NT5DC1: variants seen among roughly 807,000 people sequenced by gnomAD.
NT5DC1 encodes 5'-nucleotidase domain containing 1, also known as 5'-nucleotidase domain-containing protein 1.
NT5DC1 carries 42 observed loss-of-function variants against 59.4 expected under a neutral mutation model. The ratio of observed to expected loss-of-function variants is 0.71; its 90% confidence interval spans 0.55 to 0.92. NT5DC1 has a LOEUF of 0.92. NT5DC1 is among the 40% of genes least tolerant of loss of function. NT5DC1 has a pLI of 0.00. For synonymous variants in NT5DC1, 172 were observed against 188.1 expected (o/e 0.91, Z 0.70); for missense variants, 501 against 537.1 (o/e 0.93, Z 0.66).
chr6:116,188,435 G>C (rs1781047242), intron 6 of NT5DC1, among the ~76,000 whole-genome samples: 1 of 151,976 alleles, frequency 6.6e-6, no homozygotes, highest in South Asian at 2.1e-4. Flanking sequence ...TATGCAGTGT[G>C]TCATACAGTG....
At chr6:116,117,648 C>G (rs535415050) in intron 5 of NT5DC1, among the ~76,000 whole-genome samples, 2 of 152,076 alleles carry the variant, frequency 1.3e-5, no homozygotes, top group Non-Finnish European at 2.9e-5. Context: ...TTATTGAATA[C>G]TGTACTGAAA....
intron 8 of NT5DC1, among the ~76,000 whole-genome samples, chr6:116,223,546 T>C (rs1781851557): frequency 6.6e-6 from 1 of 152,194 alleles, no homozygotes; most frequent in Non-Finnish European, 1.5e-5. Context: ...TTGTCATTCA[T>C]GTAGAAGAGA....
chr6:116,160,010 C>A (rs372650991), intron 6 of NT5DC1, among the ~76,000 whole-genome samples: 1 of 152,148 alleles, frequency 6.6e-6, no homozygotes, highest in East Asian at 1.9e-4. Flanking sequence ...TTATTCCAGT[C>A]AACTTTTGAT....
At chr6:116,197,678 T>C (rs1781263789) in intron 6 of NT5DC1, among the ~76,000 whole-genome samples, 2 of 152,084 alleles carry the variant, frequency 1.3e-5, no homozygotes, top group African/African-American at 4.8e-5. Flanking sequence ...ATTGACACAA[T>C]TACTTTTAAG....
At chr6:116,236,615 A>G (rs1418429531) in intron 8 of NT5DC1, among the ~76,000 whole-genome samples, 1 of 152,142 alleles carries the variant, frequency 6.6e-6, no homozygotes, top group Non-Finnish European at 1.5e-5. Flanking sequence ...AATGACTTTC[A>G]TTGTGTTATT....
At chr6:116,196,772 A>G (rs73774225) in intron 6 of NT5DC1, among the ~76,000 whole-genome samples, 5,986 of 151,704 alleles carry the variant, frequency 0.039, 178 homozygotes, top group African/African-American at 0.079. Flanking sequence ...CACTCTCTCC[A>G]CCTTTTCCTC....
chr6:116,239,313 AT>A (rs57676300), intron 11 of NT5DC1, among the ~76,000 whole-genome samples, 190 bp downstream of exon 11: 15 of 150,886 alleles, frequency 9.9e-5, no homozygotes, highest in Non-Finnish European at 1.6e-4. Flanking sequence ...AAGCTCAACA[AT>A]TTTTTTTTTA....
chr6:116,160,932 G>GA (rs920252924), intron 6 of NT5DC1, among the ~76,000 whole-genome samples: 3 of 151,914 alleles, frequency 2.0e-5, no homozygotes, highest in Non-Finnish European at 4.4e-5. Context: ...CAAAGACTTG[G>GA]AACCAACCCA....
chr6:116,168,383 A>G (rs1406781630), intron 6 of NT5DC1, among the ~76,000 whole-genome samples: 2 of 151,850 alleles, frequency 1.3e-5, no homozygotes, highest in South Asian at 2.1e-4. Context: ...TTATAAACCT[A>G]TCCATTGAGC....
chr6:116,114,767 A>G (rs1304494109), intron 4 of NT5DC1, among the ~76,000 whole-genome samples: 1 of 151,874 alleles, frequency 6.6e-6, no homozygotes, highest in East Asian at 1.9e-4. Flanking sequence ...TGGTTGCTGG[A>G]CTCCATTGGG....
chr6:116,166,313 A>T (rs1780464378), intron 6 of NT5DC1, among the ~76,000 whole-genome samples: 1 of 152,188 alleles, frequency 6.6e-6, no homozygotes, highest in Non-Finnish European at 1.5e-5. Flanking sequence ...GATAACTGAC[A>T]TCCAAAATCC....
In NT5DC1 at chr6:116,163,141, A is replaced by AAAAAAAAAT. The variant is rs761718922; in HGVS notation, c.529+45197_529+45198insAAAAAAATA. ...GACTCCGTCTCAAAAAAAAAAAAAA[A>AAAAAAAAAT]ATATATATATATATATATATATTAG... is the stretch of plus-strand genomic sequence containing the variant. On this transcript the variant is annotated intron_variant, in intron 6 of 11. Transcript: ENST00000319550. Among the ~76,000 whole-genome samples the AAAAAAAAAT allele has an allele frequency of 4.1e-3, 365 of 88,352 alleles. 8 individuals carry two copies. Among genetic ancestry groups the AAAAAAAAAT allele is most frequent in the African/African-American group, 0.013 (227 of 17,330 alleles). The allele number at this position is 88,352 out of a possible 152,430, so 58.0% of individuals were successfully genotyped here. A position where few individuals can be genotyped will look rare whatever the true frequency, so the allele number is the denominator to read the frequency against.
At chr6:116,219,301 T>C (rs1781746535) in intron 6 of NT5DC1, among the ~76,000 whole-genome samples, 1 of 152,210 alleles carries the variant, frequency 6.6e-6, no homozygotes, top group Non-Finnish European at 1.5e-5. Flanking sequence ...ATAGAATTTA[T>C]AATCATGGGA....
intron 6 of NT5DC1, among the ~76,000 whole-genome samples, chr6:116,197,331 C>G (rs1017570184): frequency 6.6e-6 from 1 of 151,966 alleles, no homozygotes; most frequent in African/African-American, 2.4e-5. Flanking sequence ...TATAACTGAA[C>G]ATTTTACAAA....
At chr6:116,107,854 G>A (rs1013479163) in intron 2 of NT5DC1, among the ~76,000 whole-genome samples, 2 of 152,158 alleles carry the variant, frequency 1.3e-5, no homozygotes, top group South Asian at 4.1e-4. Context: ...TTACAGGCAT[G>A]AGCCACCGCG....
intron 11 of NT5DC1, among the ~76,000 whole-genome samples, chr6:116,242,925 T>C (rs1771764803): frequency 6.6e-6 from 1 of 152,052 alleles, no homozygotes; most frequent in South Asian, 2.1e-4. Flanking sequence ...GTAGTAGCCC[T>C]TACCACCAGC....
At chr6:116,148,665 TAAC>T (rs1779956935) in intron 6 of NT5DC1, among the ~76,000 whole-genome samples, 1 of 152,214 alleles carries the variant, frequency 6.6e-6, no homozygotes, top group Non-Finnish European at 1.5e-5. Context: ...ATGGTTTATA[TAAC>T]AACGTCATTA....
intron 6 of NT5DC1, among the ~76,000 whole-genome samples, chr6:116,136,477 A>T (rs1582826395): frequency 6.7e-6 from 1 of 148,950 alleles, no homozygotes; most frequent in East Asian, 2.0e-4. Context: ...GGTTTTTTTT[A>T]AAAGAAGAAA....
chr6:116,107,471 C>T (rs186618850), intron 2 of NT5DC1, among the ~76,000 whole-genome samples: 2 of 151,610 alleles, frequency 1.3e-5, no homozygotes, highest in East Asian at 3.9e-4. Context: ...TCACCTTTCT[C>T]CCCAAATCCC....
Sources: allele counts gnomAD v4.1 joint callset (sites outside exome capture counted in the v4.1 genomes callset), GRCh38; gene constraint gnomAD v4.1.1; transcripts MANE v1.5; gene names NCBI Gene and HGNC (gene_info 2026-07-23, HGNC 2026-07-21).